The following SI variants were observed in gnomAD, a reference collection of about 807,000 sequenced individuals.
SI encodes sucrase-isomaltase, also known as sucrase-isomaltase, intestinal.
Under a neutral mutation model 253.3 loss-of-function variants are expected in SI, and 235 were observed. The ratio of observed to expected loss-of-function variants is 0.93; its 90% CI spans 0.83 to 1.03. The LOEUF is 1.03. SI is among the 50% of genes least tolerant of loss of function. The pLI, the probability that SI is intolerant of heterozygous loss-of-function variation, is 0.00. For missense variants in SI, 2,442 were observed against 2,211.1 expected (o/e 1.10, Z -2.09); for synonymous variants, 819 against 712.0 (o/e 1.15, Z -2.39).
At chr3:165,006,529 C>A (rs1320465769) in intron 37 of SI, among the ~76,000 whole-genome samples, 1 of 151,828 alleles carries the variant, frequency 6.6e-6, no homozygotes, top group Non-Finnish European at 1.5e-5. Context: ...TATTGAGCAC[C>A]TACAATTGGC....
chr3:165,015,045 A>G lies in SI; in HGVS notation c.3999+78T>C, dbSNP rs182721662. 100 of 1,094,692 alleles carry G rather than the reference A, an allele frequency of 9.1e-5. No individual in the cohort carries two copies. In the African/African-American group the frequency reaches 1.5e-3, roughly 16 times the overall value. 67.8% of individuals were successfully genotyped at this position (1,094,692 alleles called of 1,614,324 possible). On this transcript the variant is annotated intron_variant, in intron 33 of 47. Coordinates refer to ENST00000264382, the MANE Select transcript of SI (RefSeq NM_001041.4). Reference sequence around the variant, plus strand: ...TGTATAGCTCTCCTGAACGGTTTTAACTTTTACTAATTAAATGGAAACTTT... The same window carrying G: ...TGTATAGCTCTCCTGAACGGTTTTAGCTTTTACTAATTAAATGGAAACTTT...
At chr3:165,034,796 G>A (rs1462648828) in intron 22 of SI, among the ~76,000 whole-genome samples, 1 of 152,000 alleles carries the variant, frequency 6.6e-6, no homozygotes, top group Non-Finnish European at 1.5e-5. Flanking sequence ...TGAGTAAAAT[G>A]GAGGATCATT....
chr3:165,089,181 A>T, the SI span, among the ~76,000 whole-genome samples: 1 of 151,756 alleles, frequency 6.6e-6, no homozygotes, highest in Non-Finnish European at 1.5e-5. Context: ...AAATCAGAAG[A>T]TACAAAAGAA....
At chr3:165,023,242 A>C (rs1177962224) in intron 26 of SI, among the ~76,000 whole-genome samples, 2 of 151,544 alleles carry the variant, frequency 1.3e-5, no homozygotes, top group Non-Finnish European at 3.0e-5. Flanking sequence ...CACAACTTAA[A>C]AATAATGGAA....
At chr3:165,052,935 T>C (rs892330306) in intron 13 of SI, among the ~76,000 whole-genome samples, 7 of 151,932 alleles carry the variant, frequency 4.6e-5, no homozygotes, top group Admixed American at 2.0e-4. Context: ...TGTTTCCAAA[T>C]ACTATATATT....
intron 13 of SI, among the ~76,000 whole-genome samples, chr3:165,050,648 C>T (rs1713379743): frequency 6.6e-6 from 1 of 152,112 alleles, no homozygotes; most frequent in Admixed American, 6.6e-5. Context: ...CATCTTTCTT[C>T]TCTGCAAACT....
At chr3:165,062,593 G>A in intron 8 of SI, 110 bp from the exon 9 acceptor site, 1 of 612,358 alleles carries the variant, frequency 1.6e-6, no homozygotes. Context: ...TTTACAATAT[G>A]TTTAAATAAT....
chr3:165,073,901 G>A (rs1714766111), intron 3 of SI, among the ~76,000 whole-genome samples: 1 of 152,042 alleles, frequency 6.6e-6, no homozygotes, highest in Non-Finnish European at 1.5e-5. Context: ...AACATCTGCA[G>A]ATTTTGGTAT....
At chr3:165,035,065 A>C (rs1018460205) in intron 22 of SI, among the ~76,000 whole-genome samples, 1 of 151,996 alleles carries the variant, frequency 6.6e-6, no homozygotes, top group African/African-American at 2.4e-5. Flanking sequence ...TGTAGCAATG[A>C]AGTTACCATC....
intron 16 of SI, 58 bp from the exon 17 acceptor site, chr3:165,043,233 C>T (rs1712941443): frequency 8.6e-7 from 1 of 1,162,058 alleles, no homozygotes; most frequent in East Asian, 2.5e-5. Flanking sequence ...TTGCCTAGAG[C>T]ATCACACTGT....
chr3:165,006,852 TTG>T lies in SI; in HGVS notation c.4368_4369del (p.His1456GlnfsTer13). The T allele has an allele frequency of 6.2e-7, 1 of 1,612,768 alleles. No homozygotes were observed. Among genetic ancestry groups the T allele is most frequent in the South Asian group, 1.1e-5 (1 of 91,054 alleles). On this transcript the variant is annotated frameshift_variant, in exon 37 of 48. Coordinates refer to ENST00000264382, the MANE Select transcript of SI (RefSeq NM_001041.4). LOFTEE classifies it high-confidence loss of function. ...TTTCATCTGTGACCATCCATAGAGA[TTG>T]TGAACATCGTAATGCAAAACTGATG... is the stretch of plus-strand genomic sequence containing the variant.
At chr3:165,009,097 A>T (rs995169575) in intron 35 of SI, among the ~76,000 whole-genome samples, 182 bp downstream of exon 35, 2 of 152,152 alleles carry the variant, frequency 1.3e-5, no homozygotes, top group Admixed American at 1.3e-4. Context: ...ATCCATACAC[A>T]TAAATTTAGT....
At chr3:165,016,235 T>C (rs2108172637) in intron 31 of SI, among the ~76,000 whole-genome samples, 155 bp from the exon 32 acceptor site, 1 of 152,168 alleles carries the variant, frequency 6.6e-6, no homozygotes, top group African/African-American at 2.4e-5. Flanking sequence ...GTTCAAGGAA[T>C]AAAAGTAGCA....
At chr3:165,042,922 G>A in intron 17 of SI, 137 bp downstream of exon 17, 2 of 699,802 alleles carry the variant, frequency 2.9e-6, no homozygotes, top group South Asian at 1.6e-5. Flanking sequence ...TAGGACTTGA[G>A]AGAGGGACTT....
At position 165,068,774 on chromosome 3, in the gene SI, T is replaced by C. The variant is rs138092600; in HGVS notation, c.431A>G (p.Asn144Ser). ...ATTTTGAGTTGTGAAGAGAACACTG[T>C]TGATGTCATTTCCAAATAGTGTAGG... is the stretch of plus-strand genomic sequence containing the variant. ...PSPTLFGNDI[N>S]SVLFTTQNQT... Residue 144 changes from asparagine (N) to serine (S), a missense_variant, in exon 5 of 48, where the codon AAC becomes AGC. Transcript: ENST00000264382. The C allele has an allele frequency of 1.7e-5, 28 of 1,613,870 alleles. No homozygotes were observed. In the African/African-American group the frequency reaches 1.9e-4, roughly 11 times the overall value.
chr3:165,022,034 CT>C (rs1258280198), intron 26 of SI, among the ~76,000 whole-genome samples: 1 of 151,516 alleles, frequency 6.6e-6, no homozygotes, highest in East Asian at 1.9e-4. Flanking sequence ...TTATGTTCCA[CT>C]GTACTTTAAA....
Position 165,062,470 on chromosome 3 carries a change from C to T in SI, c.921G>A (p.Gln307=), listed in dbSNP as rs765526697. The T allele has an allele frequency of 1.9e-6, 3 of 1,586,832 alleles. No individual in the cohort carries two copies. The highest frequency in any genetic ancestry group is 4.5e-5 in the East Asian group (2 of 44,512). ...CTCTATATGTTACTATTGGAGTAGG[C>T]TGGATAAAAATCTCTGCAAAATAAA... ...MNSNAMEIFI[Q]PTPIVTYRVT... is the part of the protein sequence containing the mutation. Residue 307 remains glutamine (Q), a synonymous_variant, in exon 9 of 48, where the codon CAG becomes CAA. Coordinates refer to ENST00000264382, the MANE Select transcript of SI (RefSeq NM_001041.4).
At chr3:165,032,941 C>T (rs936429140) in intron 23 of SI, among the ~76,000 whole-genome samples, 6 of 150,996 alleles carry the variant, frequency 4.0e-5, no homozygotes, top group African/African-American at 1.2e-4. Flanking sequence ...TCATTCTAGT[C>T]CTAACATTGA....
chr3:164,998,645 CT>C lies in SI; in HGVS notation c.4434del (p.Ile1480LeufsTer2), dbSNP rs1412757996. The stretch of plus-strand genomic sequence containing the variant: ...TACGTGGAACGAGAAATTACAATCC[CT>C]CTTTTTCCAGTTGTCTTCTGCAATG... ...HDALQKTTGK[R>X]GIVISRSTYP... is the part of the protein sequence containing the mutation. On this transcript the variant is annotated frameshift_variant, in exon 38 of 48. Coordinates refer to ENST00000264382, the MANE Select transcript of SI (RefSeq NM_001041.4). LOFTEE classifies it high-confidence loss of function. 3 of 1,611,562 alleles carry C rather than the reference CT, an allele frequency of 1.9e-6. No homozygotes were observed. In the African/African-American group the frequency reaches 4.0e-5, roughly 22 times the overall value.
Sources: allele counts gnomAD v4.1 joint callset (sites outside exome capture counted in the v4.1 genomes callset), GRCh38; gene constraint gnomAD v4.1.1; transcripts MANE v1.5; gene names NCBI Gene and HGNC (gene_info 2026-07-23, HGNC 2026-07-21).